PRSS55: variants seen among roughly 807,000 people sequenced by gnomAD.
PRSS55 encodes the protein serine protease 55, also known as probable serine protease UNQ9391/PRO34284.
In PRSS55, 41 loss-of-function variants were observed where a neutral mutation model predicts 23.6. The observed-to-expected ratio is 1.74, with a 90% CI of 1.35 to 2.26. PRSS55 has a LOEUF of 2.26. Among genes scored for constraint, PRSS55 ranks in the 30% most tolerant of loss-of-function variants. The pLI, the probability that PRSS55 is intolerant of heterozygous loss-of-function variation, is 0.00. For synonymous variants in PRSS55, 262 were observed against 175.5 expected, an observed-to-expected ratio of 1.49 and a Z score of -3.90; for missense variants, 669 against 439.1, an observed-to-expected ratio of 1.52 and a Z score of -4.68.
At chr8:10,542,949 G>C (rs1812702266), downstream of PRSS55, among the ~76,000 whole-genome samples, 1 of 151,652 alleles carries the variant, frequency 6.6e-6, no homozygotes, top group South Asian at 2.1e-4. Flanking sequence ...AGGTGTCTGT[G>C]GCTGTTTTGT....
chr8:10,532,914 A>C lies in PRSS55; in HGVS notation c.607A>C (p.Asn203His). 1.2e-6 allele frequency: 2 copies of C among 1,614,154 alleles called. No individual in the cohort carries two copies. The highest frequency in any genetic ancestry group is 1.7e-6 in the Non-Finnish European group (2 of 1,180,022). The change falls in exon 4 of 5, where the codon AAC becomes CAC. Residue 203 changes from asparagine to histidine, a missense_variant. By Grantham distance (68) the Asn-to-His change is moderately conservative. Coordinates refer to ENST00000328655, the MANE Select transcript of PRSS55 (RefSeq NM_198464.4). ...CTTTCTCTCTGGGCCAGCTGACAAA[A>C]ACTCTGTGAAAACGGATCTGATGAA... ...GWGQTNAADK[N>H]SVKTDLMKAP...
intron 4 of PRSS55, among the ~76,000 whole-genome samples, chr8:10,548,235 T>C (rs1032984045): frequency 6.6e-6 from 1 of 152,074 alleles, no homozygotes. Flanking sequence ...AGTTCCCAGA[T>C]GTCGCCTCAA....
At chr8:10,532,277 G>A (rs1479000039) in intron 3 of PRSS55, among the ~76,000 whole-genome samples, 2 of 152,150 alleles carry the variant, frequency 1.3e-5, no homozygotes, top group Non-Finnish European at 1.5e-5. Flanking sequence ...AAAGGTAGAA[G>A]AAGGAGAGGA....
At chr8:10,538,452 C>A in intron 4 of PRSS55, 24 bp from the exon 5 acceptor site, 1 of 1,571,574 alleles carries the variant, frequency 6.4e-7, no homozygotes, top group Non-Finnish European at 8.7e-7. Context: ...GGACTCCCTG[C>A]TGAGCTGTGT....
intron 4 of PRSS55, among the ~76,000 whole-genome samples, chr8:10,546,304 G>C (rs1026393730): frequency 6.6e-6 from 1 of 152,148 alleles, no homozygotes; most frequent in Admixed American, 6.5e-5. Context: ...TGAACACTCA[G>C]GGAACTAAAC....
rs771847898 is a variant in PRSS55 at position 10,533,060 on chromosome 8, G to T, written c.741+12G>T. 1 of 1,613,834 alleles carries T rather than the reference G, an allele frequency of 6.2e-7. No individual in the cohort carries two copies. The highest frequency in any genetic ancestry group is 8.5e-7 in the Non-Finnish European group (1 of 1,179,884). On this transcript the variant is annotated intron_variant, in intron 4 of 4. Transcript: ENST00000328655. The stretch of plus-strand genomic sequence containing the variant: ...ATGATGCCTGCAAGGTAACTAGGGG[G>T]TACCCTCCCTCACCTTATAGGTCCT...
In PRSS55 at chr8:10,538,477, G is replaced by A. The variant is rs776714202; in HGVS notation, c.743G>A (p.Gly248Asp). The A allele has an allele frequency of 3.5e-5, 57 of 1,610,326 alleles. No individual in the cohort carries two copies. Among genetic ancestry groups the A allele is most frequent in the Non-Finnish European group, 4.8e-5 (56 of 1,177,812 alleles). The change falls in exon 5 of 5, where the codon GGT (glycine) becomes GAT (aspartate). Residue 248 changes from glycine (G) to aspartate (D), a missense_variant and splice_region_variant. Gly to Asp is a moderately conservative substitution (Grantham distance 94, BLOSUM62 -1). Coordinates refer to ENST00000328655, the MANE Select transcript of PRSS55 (RefSeq NM_198464.4). ...YKNESYDACK[G>D]DSGGPLVCTP... ...CTGAGCTGTGTTCTCTGCCCACAGG[G>A]TGACAGTGGGGGGCCTCTGGTCTGC...
chr8:10,541,668 T>G (rs1051769736), downstream of PRSS55: 1 of 152,272 alleles, frequency 6.6e-6, no homozygotes, highest in Admixed American at 6.5e-5. Context: ...CTATCTCTCC[T>G]GTTTTTTCTG....
chr8:10,529,846 C>T (rs1812185859), intron 2 of PRSS55, 147 bp downstream of exon 2: 7 of 801,266 alleles, frequency 8.7e-6, no homozygotes, highest in Non-Finnish European at 1.4e-5. Flanking sequence ...CCACCCACCC[C>T]CCAGCCTGTG....
At chr8:10,542,104 T>G (rs1812672726), downstream of PRSS55, among the ~76,000 whole-genome samples, 1 of 152,224 alleles carries the variant, frequency 6.6e-6, no homozygotes, top group Non-Finnish European at 1.5e-5. Flanking sequence ...AGCAACGTTT[T>G]GTCATGATAT....
chr8:10,534,438 G>A (rs147433424), intron 4 of PRSS55, among the ~76,000 whole-genome samples: 2 of 152,168 alleles, frequency 1.3e-5, no homozygotes, highest in Admixed American at 1.3e-4. Context: ...CATGGAATGA[G>A]ACATCATCTC....
At position 10,531,305 on chromosome 8, in the gene PRSS55, C is replaced by G. The variant is rs773837631; in HGVS notation, c.358C>G (p.Leu120Val). 9.9e-6 allele frequency: 16 copies of G among 1,613,942 alleles called. No individual in the cohort carries two copies. The highest frequency in any genetic ancestry group is 7.7e-5 in the South Asian group (7 of 91,082). The change falls in exon 3 of 5, where the codon CTG becomes GTG. Residue 120 changes from leucine (L) to valine (V), a missense_variant. Coordinates refer to ENST00000328655, the MANE Select transcript of PRSS55 (RefSeq NM_198464.4). Reference sequence around the variant, plus strand: ...GTTCTCTGCCACCAGTCCAGAAGAACTGAGTGTCGTGCTGGGGACCAACGA... The same window carrying G: ...GTTCTCTGCCACCAGTCCAGAAGAAGTGAGTGTCGTGCTGGGGACCAACGA... ...LYSEELFPEE[L>V]SVVLGTNDLT...
chr8:10,553,979 G>T lies in PRSS55; in HGVS notation c.778G>T (p.Gly260Ter), dbSNP rs546570181. 4 of 1,530,070 alleles carry T rather than the reference G, an allele frequency of 2.6e-6. No homozygotes were observed. In the African/African-American group the frequency reaches 5.5e-5, roughly 21 times the overall value. The allele number at this position is 1,530,070 out of a possible 1,614,324, so 94.8% of individuals were successfully genotyped here. A position where few individuals can be genotyped will look rare whatever the true frequency, so the allele number is the denominator to read the frequency against. ...TCCCACTTTACAAAGAATGAACACC[G>T]GAAGCTCTCAAACAAAGCCGCCTGG... Residue 260 changes from glycine to a stop codon, truncating the protein, a stop_gained, in exon 5 of 5, where the codon GGA becomes TGA. Transcript: ENST00000522210. LOFTEE classifies it high-confidence loss of function.
At chr8:10,543,481 T>TTTTCTTTTCTTTTCTTTTCTTTC (rs1563547453), downstream of PRSS55, among the ~76,000 whole-genome samples, 8 of 19,808 alleles carry the variant, frequency 4.0e-4, no homozygotes, top group African/African-American at 7.6e-4. Flanking sequence ...TCTTTCTCTC[T>TTTTCTTTTCTTTTCTTTTCTTTC]TTTTTTTTTT....
chr8:10,527,306 G>A (rs1039700674), intron 1 of PRSS55, among the ~76,000 whole-genome samples: 1 of 152,210 alleles, frequency 6.6e-6, no homozygotes. Flanking sequence ...GATCGCTGCA[G>A]TGAACATCAT....
chr8:10,529,331 T>C (rs1052438111), intron 1 of PRSS55, 176 bp from the exon 2 acceptor site: 20 of 656,310 alleles, frequency 3.0e-5, no homozygotes, highest in African/African-American at 2.0e-4. Context: ...AAATAAACCA[T>C]CTGCCGGCTG....
intron 4 of PRSS55, chr8:10,545,010 C>T (rs928765475): frequency 3.0e-6 from 3 of 985,248 alleles, no homozygotes; most frequent in Non-Finnish European, 3.6e-6. Context: ...GACCCAGCCT[C>T]AACAAACAGG....
chr8:10,551,006 A>T (rs1429338318), intron 4 of PRSS55, among the ~76,000 whole-genome samples: 1 of 152,216 alleles, frequency 6.6e-6, no homozygotes, highest in Non-Finnish European at 1.5e-5. Flanking sequence ...CTTCCAGTAC[A>T]TTTTGAAATC....
downstream of PRSS55, among the ~76,000 whole-genome samples, chr8:10,539,643 TAGTG>T (rs947588038): frequency 1.3e-5 from 2 of 152,212 alleles, no homozygotes; most frequent in Non-Finnish European, 2.9e-5. Flanking sequence ...GTTCTCATGG[TAGTG>T]AGTAAGTCTC....
Sources: allele counts gnomAD v4.1 joint callset (sites outside exome capture counted in the v4.1 genomes callset), GRCh38; gene constraint gnomAD v4.1.1; transcripts MANE v1.5; gene names NCBI Gene and HGNC (gene_info 2026-07-23, HGNC 2026-07-21).